KCNG3: variants seen among roughly 807,000 people sequenced by gnomAD.
The protein encoded by KCNG3 is voltage-gated potassium channel regulatory subunit KCNG3.
Under a neutral mutation model 29.0 loss-of-function variants are expected in KCNG3, and 15 were observed. That is an observed-to-expected ratio of 0.52 (90% CI 0.35 to 0.80). KCNG3 has a LOEUF of 0.80. Among genes scored for constraint, KCNG3 ranks in the 30% least tolerant of loss-of-function variants. KCNG3 has a pLI of 0.01. For synonymous variants in KCNG3, 322 were observed against 248.9 expected (o/e 1.29, Z -2.76); for missense variants, 512 against 605.7 (o/e 0.85, Z 1.62).
At chr2:42,450,866 G>T (rs1672730970) in intron 1 of KCNG3, among the ~76,000 whole-genome samples, 1 of 152,170 alleles carries the variant, frequency 6.6e-6, no homozygotes, top group Non-Finnish European at 1.5e-5. Context: ...AAAGCTAAAA[G>T]GAGCATTTGG....
intron 1 of KCNG3, among the ~76,000 whole-genome samples, chr2:42,446,324 G>A (rs959487905): frequency 1.3e-5 from 2 of 151,590 alleles, no homozygotes; most frequent in South Asian, 2.1e-4. Flanking sequence ...CTACAGGCGC[G>A]CGCGATCACG....
chr2:42,411,831 C>T, the KCNG3 span, among the ~76,000 whole-genome samples: 1 of 152,202 alleles, frequency 6.6e-6, no homozygotes, highest in African/African-American at 2.4e-5. Context: ...TTTGTACTTG[C>T]TACCATCAAT....
At chr2:42,423,604 T>C in the KCNG3 span, among the ~76,000 whole-genome samples, 1 of 152,180 alleles carries the variant, frequency 6.6e-6, no homozygotes, top group Non-Finnish European at 1.5e-5. Flanking sequence ...AATTTAAGAA[T>C]CACTCTTCTA....
chr2:42,459,122 G>A (rs916956877), intron 1 of KCNG3, among the ~76,000 whole-genome samples: 1 of 151,694 alleles, frequency 6.6e-6, no homozygotes, highest in East Asian at 1.9e-4. Flanking sequence ...CTTGAACCCG[G>A]GATGTGGAGG....
intron 1 of KCNG3, among the ~76,000 whole-genome samples, chr2:42,492,096 A>T (rs1394439563): frequency 2.0e-5 from 3 of 152,342 alleles, no homozygotes; most frequent in Middle Eastern, 6.8e-3. Context: ...GTAGAAAAAA[A>T]AATTTACCCA....
At chr2:42,391,806 T>G in the KCNG3 span, among the ~76,000 whole-genome samples, 4 of 151,014 alleles carry the variant, frequency 2.6e-5, no homozygotes, top group South Asian at 6.3e-4. Flanking sequence ...GTTTCACCGT[T>G]TTAGCCGGGA....
At chr2:42,485,471 G>C (rs539350762) in intron 1 of KCNG3, among the ~76,000 whole-genome samples, 1 of 151,058 alleles carries the variant, frequency 6.6e-6, no homozygotes. Context: ...TTAAGACGGA[G>C]TCTCACTCTG....
At chr2:42,471,611 A>G (rs1673290575) in intron 1 of KCNG3, among the ~76,000 whole-genome samples, 1 of 152,198 alleles carries the variant, frequency 6.6e-6, no homozygotes, top group African/African-American at 2.4e-5. Flanking sequence ...ACCAAATTGT[A>G]TACTTGAAAT....
At chr2:42,466,548 G>T (rs1264402946) in intron 1 of KCNG3, among the ~76,000 whole-genome samples, 1 of 152,162 alleles carries the variant, frequency 6.6e-6, no homozygotes, top group East Asian at 1.9e-4. Context: ...CCTAAGTGGT[G>T]AAGTATGTAG....
the KCNG3 span, among the ~76,000 whole-genome samples, chr2:42,418,390 G>C: frequency 6.6e-6 from 1 of 152,164 alleles, no homozygotes; most frequent in African/African-American, 2.4e-5. Flanking sequence ...TACTGTCACT[G>C]TGCTTTCTTG....
At chr2:42,475,413 C>G (rs1673399180) in intron 1 of KCNG3, among the ~76,000 whole-genome samples, 1 of 149,124 alleles carries the variant, frequency 6.7e-6, no homozygotes, top group South Asian at 2.1e-4. Context: ...ACTGCAACCT[C>G]TTTCTCCCAG....
chr2:42,435,743 A>G, the KCNG3 span, among the ~76,000 whole-genome samples: 4 of 152,220 alleles, frequency 2.6e-5, no homozygotes, highest in Non-Finnish European at 1.5e-5. Flanking sequence ...AAGGAAAATG[A>G]CAAGAGTTGG....
At position 42,453,974 on chromosome 2, in the gene KCNG3, G is replaced by C. The variant is rs932560737; in HGVS notation, c.666-9395C>G. On this transcript the variant is annotated intron_variant, in intron 1 of 1. Coordinates refer to ENST00000306078, the MANE Select transcript of KCNG3 (RefSeq NM_133329.6). ...TATTGAAGAGACTGTCCTGGACAAAGGATTTGAATAGATATTTCTCCAAAG... is the reference window on the plus strand; with the variant it reads ...TATTGAAGAGACTGTCCTGGACAAACGATTTGAATAGATATTTCTCCAAAG... 7.9e-5 allele frequency among the ~76,000 whole-genome samples: 12 copies of C among 151,788 alleles called. 1 individual carries two copies.
chr2:42,435,258 G>A, the KCNG3 span, among the ~76,000 whole-genome samples: 4 of 152,066 alleles, frequency 2.6e-5, no homozygotes, highest in Non-Finnish European at 5.9e-5. Context: ...AGCCGAGATC[G>A]CCCCATTGCA....
chr2:42,484,684 G>A (rs1050014038), intron 1 of KCNG3, among the ~76,000 whole-genome samples: 5 of 152,100 alleles, frequency 3.3e-5, no homozygotes, highest in East Asian at 1.9e-4. Context: ...CTTTTTTTCC[G>A]ATGAAGAAAG....
At chr2:42,397,557 A>G in the KCNG3 span, among the ~76,000 whole-genome samples, 1 of 152,190 alleles carries the variant, frequency 6.6e-6, no homozygotes, top group Non-Finnish European at 1.5e-5. Context: ...AAGAAAAAAG[A>G]GGCTTATAAG....
the KCNG3 span, among the ~76,000 whole-genome samples, chr2:42,403,961 T>C: frequency 4.6e-5 from 7 of 152,184 alleles, no homozygotes; most frequent in Non-Finnish European, 8.8e-5. Flanking sequence ...CTTTATCCAG[T>C]TTTGATATTA....
At chr2:42,402,007 G>C in the KCNG3 span, among the ~76,000 whole-genome samples, 1 of 152,340 alleles carries the variant, frequency 6.6e-6, no homozygotes, top group South Asian at 2.1e-4. Context: ...CATTATTTTT[G>C]AGGGTGTTTA....
intron 1 of KCNG3, chr2:42,463,085 G>C (rs1168405347): frequency 4.0e-5 from 8 of 199,182 alleles, no homozygotes; most frequent in Admixed American, 3.4e-4. Flanking sequence ...AAATTCTGAA[G>C]GTAGCTACAC....
Sources: gnomAD v4.1 joint callset for allele counts (sites outside exome capture counted in the v4.1 genomes callset) on GRCh38, gnomAD v4.1.1 for gene constraint, MANE v1.5 for transcripts, NCBI Gene and HGNC (gene_info 2026-07-23, HGNC 2026-07-21) for gene names.